The following RAB11FIP1 variants were observed in gnomAD, a reference collection of about 807,000 sequenced individuals.
The protein encoded by RAB11FIP1 is rab11 family-interacting protein 1.
Under a neutral mutation model 83.1 loss-of-function variants are expected in RAB11FIP1, and 49 were observed. The observed-to-expected ratio is 0.59, with a 90% CI of 0.47 to 0.75. RAB11FIP1 has a LOEUF of 0.75. RAB11FIP1 is among the 30% of genes least tolerant of loss of function. The pLI, the probability that RAB11FIP1 is intolerant of heterozygous loss-of-function variation, is 0.00. For missense variants in RAB11FIP1, 1,536 were observed against 1,598.7 expected (o/e 0.96, Z 0.67); for synonymous variants, 670 against 656.0 (o/e 1.02, Z -0.33).
intron 1 of RAB11FIP1, among the ~76,000 whole-genome samples, chr8:37,890,751 G>C (rs1806932170): frequency 6.6e-6 from 1 of 150,408 alleles, no homozygotes; most frequent in Admixed American, 6.6e-5. Flanking sequence ...CTCCAGCCTG[G>C]GCAACAAGAG....
At position 37,884,439 on chromosome 8, in the gene RAB11FIP1, A is replaced by T. The variant is rs555558842; in HGVS notation, c.372-6888T>A. Among the ~76,000 whole-genome samples, 5 of 152,252 alleles carry T rather than the reference A, an allele frequency of 3.3e-5. No individual in the cohort carries two copies. The South Asian group carries it at 1.0e-3, about 32-fold the overall frequency. On this transcript the variant is annotated intron_variant, in intron 1 of 5. Transcript: ENST00000330843. ...GGTCTTGCTCTGTTGTCCAGGCTGG[A>T]GTACAGTGCACATTCATAGCTCACA...
At chr8:37,895,241 ATATATATATATATATATATTTTTTTTTTT>A (rs1436014373) in intron 1 of RAB11FIP1, among the ~76,000 whole-genome samples, 1 of 7,872 alleles carries the variant, frequency 1.3e-4, no homozygotes, top group African/African-American at 6.0e-4. Flanking sequence ...ATATATATAT[ATATATATATATATATATATTTTTTTTTTT>A]TTTTTTTTTT....
chr8:37,894,701 C>CAT lies in RAB11FIP1; in HGVS notation c.371+4368_371+4369dup, dbSNP rs200697328. On this transcript the variant is annotated intron_variant, in intron 1 of 5. Coordinates refer to ENST00000330843, the MANE Select transcript of RAB11FIP1 (RefSeq NM_001002814.3). ...ATTTTGATTTATATATACATAAATA[C>CAT]ATATATATACATATATATATACATA... 6.1e-3 allele frequency among the ~76,000 whole-genome samples: 875 copies of CAT among 143,880 alleles called. 16 individuals are homozygous for CAT. Among genetic ancestry groups the CAT allele is most frequent in the African/African-American group, 0.022 (815 of 37,122 alleles). The allele number at this position is 143,880 out of a possible 152,430, so 94.4% of individuals were successfully genotyped here. A position where few individuals can be genotyped will look rare whatever the true frequency, so the allele number is the denominator to read the frequency against.
rs1807163816 is a variant in RAB11FIP1 at position 37,899,204 on chromosome 8, A to G, written c.238T>C (p.Ser80Pro). The G allele has an allele frequency of 1.3e-6, 2 of 1,574,094 alleles. No homozygotes were observed. Among genetic ancestry groups the G allele is most frequent in the Non-Finnish European group, 1.7e-6 (2 of 1,166,806 alleles). ...AGGGTGGCGGCGGCCGCGGGTCCGG[A>G]GGACAGCAGCGATGGCAGCTCGAAG... ...ATFELPSLLSSGPAAAATLQL... is the reference protein window; with the variant it reads ...ATFELPSLLSPGPAAAATLQL... The change falls in exon 1 of 6, where the codon TCC (serine) becomes CCC (proline). Residue 80 changes from serine to proline, a missense_variant. Physicochemically the swap from Ser to Pro is moderately conservative, Grantham distance 74 (BLOSUM62 -1). Transcript: ENST00000330843. The surrounding 1 kb of genome is among the most constrained non-coding windows in gnomAD (Gnocchi z 4.5).
At position 37,875,221 on chromosome 8, in the gene RAB11FIP1, G is replaced by A. The variant is rs747345219; in HGVS notation, c.916C>T (p.Arg306Trp). 5.7e-5 allele frequency: 92 copies of A among 1,613,972 alleles called. No individual in the cohort carries two copies. The African/African-American group carries it at 5.7e-4, about 10-fold the overall frequency. Reference protein sequence around the residue: ...KEGLSFLGGLRSKNDVLSRSN... With the variant: ...KEGLSFLGGLWSKNDVLSRSN... Reference sequence around the variant, plus strand: ...CGGGAAAGGACATCATTCTTAGACCGAAGGCCACCAAGAAAGGAAAGTCCT... The same window carrying A: ...CGGGAAAGGACATCATTCTTAGACCAAAGGCCACCAAGAAAGGAAAGTCCT... Residue 306 changes from arginine to tryptophan, a missense_variant, in exon 3 of 6, where the codon CGG becomes TGG. Physicochemically the swap from Arg to Trp is moderately radical, Grantham distance 101 (BLOSUM62 -3). Transcript: ENST00000330843.
chr8:37,864,482 A>G (rs1340671179), intron 5 of RAB11FIP1, among the ~76,000 whole-genome samples: 2 of 152,224 alleles, frequency 1.3e-5, no homozygotes, highest in East Asian at 3.8e-4. Flanking sequence ...ACTGCCTACC[A>G]GGAAGGCCAA....
chr8:37,898,889 C>T (rs1228301559), intron 1 of RAB11FIP1, among the ~76,000 whole-genome samples, 182 bp downstream of exon 1: 2 of 151,916 alleles, frequency 1.3e-5, no homozygotes, highest in African/African-American at 4.8e-5. Flanking sequence ...GCTGGCAGAG[C>T]TGGGCGGGAC....
chr8:37,877,458 G>A lies in RAB11FIP1; in HGVS notation c.465C>T (p.Ala155=). 1 of 1,612,550 alleles carries A rather than the reference G, an allele frequency of 6.2e-7. No homozygotes were observed. Among genetic ancestry groups the A allele is most frequent in the Middle Eastern group, 1.6e-4 (1 of 6,062 alleles). ...DIQFMRNNMT[A]SMFDLSMKDK... is the part of the protein sequence containing the mutation. Reference sequence around the variant, plus strand: ...CTTTCATAGAAAGGTCAAACATGCTGGCAGTCATGTTGTTTCTCATAAACT... The same window carrying A: ...CTTTCATAGAAAGGTCAAACATGCTAGCAGTCATGTTGTTTCTCATAAACT... The change falls in exon 2 of 6, where the codon GCC becomes GCT. Residue 155 remains alanine (A), a synonymous_variant. Coordinates refer to ENST00000330843, the MANE Select transcript of RAB11FIP1 (RefSeq NM_001002814.3).
At chr8:37,884,164 A>C (rs1806776834) in intron 1 of RAB11FIP1, among the ~76,000 whole-genome samples, 1 of 151,560 alleles carries the variant, frequency 6.6e-6, no homozygotes, top group African/African-American at 2.4e-5. Context: ...GCCCAGGTTC[A>C]AGTGATTCTC....
At chr8:37,892,861 C>T (rs544743639) in intron 1 of RAB11FIP1, among the ~76,000 whole-genome samples, 1 of 152,274 alleles carries the variant, frequency 6.6e-6, no homozygotes, top group East Asian at 1.9e-4. Context: ...GCCTCAGGGC[C>T]TTTGCACAGG....
chr8:37,874,474 G>T (rs995176904), intron 3 of RAB11FIP1, 41 bp downstream of exon 3: 3 of 1,538,848 alleles, frequency 1.9e-6, no homozygotes, highest in African/African-American at 2.7e-5. Context: ...ACCACCAATG[G>T]CAAGGCAGAA....
rs150291047 is a variant in RAB11FIP1, at chr8:37,859,365, C to T, written c.*3530G>A. ...ATCATGGACCTTCCTCCCTCTGCCC[C>T]GTTGAGCTCCCACTGTTAGCAAAAC... On this transcript the variant is annotated 3_prime_UTR_variant, in exon 6 of 6. Coordinates refer to ENST00000330843, the MANE Select transcript of RAB11FIP1 (RefSeq NM_001002814.3). 546 of 152,332 alleles carry T rather than the reference C, an allele frequency of 3.6e-3. 4 individuals carry two copies. The highest frequency in any genetic ancestry group is 5.2e-3 in the Non-Finnish European group (355 of 68,056). The allele number at this position is 152,332 out of a possible 1,614,324, so 9.4% of individuals were successfully genotyped here. A position where few individuals can be genotyped will look rare whatever the true frequency, so the allele number is the denominator to read the frequency against.
chr8:37,864,952 A>T (rs1346262893), intron 5 of RAB11FIP1, among the ~76,000 whole-genome samples: 1 of 149,256 alleles, frequency 6.7e-6, no homozygotes, highest in Non-Finnish European at 1.5e-5. Context: ...TTTTTTCCCC[A>T]TAGAGACGGG....
intron 1 of RAB11FIP1, among the ~76,000 whole-genome samples, chr8:37,881,891 A>G (rs1397805451): frequency 6.6e-6 from 1 of 152,098 alleles, no homozygotes. Flanking sequence ...AATTGTCTGC[A>G]TATTTGTCAC....
chr8:37,874,488 C>G, intron 3 of RAB11FIP1, 27 bp downstream of exon 3: 1 of 1,592,712 alleles, frequency 6.3e-7, no homozygotes, highest in Non-Finnish European at 8.6e-7. Flanking sequence ...GGCAGAAATG[C>G]CCTGCACGAG....
At chr8:37,876,040 C>T (rs1806598689) in intron 2 of RAB11FIP1, among the ~76,000 whole-genome samples, 1 of 151,910 alleles carries the variant, frequency 6.6e-6, no homozygotes, top group African/African-American at 2.4e-5. Flanking sequence ...ACTAAAAATA[C>T]AAAAATTCAC....
chr8:37,864,209 G>C (rs1264025852), intron 5 of RAB11FIP1, among the ~76,000 whole-genome samples: 2 of 152,250 alleles, frequency 1.3e-5, no homozygotes, highest in African/African-American at 4.8e-5. Flanking sequence ...CCCGAGGAGA[G>C]CACACACCCT....
rs1806215972 is a variant in RAB11FIP1 at position 37,860,656 on chromosome 8, C to G, written c.*2239G>C. The G allele has an allele frequency of 6.6e-6, 1 of 152,592 alleles. No individual in the cohort carries two copies. Among genetic ancestry groups the G allele is most frequent in the Non-Finnish European group, 1.5e-5 (1 of 68,044 alleles). The allele number at this position is 152,592 out of a possible 1,614,324, so 9.5% of individuals were successfully genotyped here. On this transcript the variant is annotated 3_prime_UTR_variant, in exon 6 of 6. Coordinates refer to ENST00000330843, the MANE Select transcript of RAB11FIP1 (RefSeq NM_001002814.3). ...GCCACCGCGTCCAGCCATACATGTACATTTTCAGAGTTCAAGTGAACATAC... is the reference window on the plus strand; with the variant it reads ...GCCACCGCGTCCAGCCATACATGTAGATTTTCAGAGTTCAAGTGAACATAC...
chr8:37,899,063 G>A lies in RAB11FIP1; in HGVS notation c.371+8C>T, dbSNP rs1335078953. 3.4e-6 allele frequency: 5 copies of A among 1,482,498 alleles called. No individual in the cohort carries two copies. The highest frequency in any genetic ancestry group is 5.5e-5 in the East Asian group (2 of 36,488). 91.8% of individuals were successfully genotyped at this position (1,482,498 alleles called of 1,614,324 possible). On this transcript the variant is annotated splice_region_variant and intron_variant, in intron 1 of 5. Transcript: ENST00000330843. The surrounding 1 kb of genome is among the most constrained non-coding windows in gnomAD (Gnocchi z 4.5). ...AGGCCGGGCCCTCCCCTCCCCGCCC[G>A]CACTCACTGCGTCTTCCTGCGGCCC...
Sources: gnomAD v4.1 joint callset for allele counts (sites outside exome capture counted in the v4.1 genomes callset) on GRCh38, gnomAD v4.1.1 for gene constraint, Gnocchi (gnomAD v3.1) non-coding constraint, MANE v1.5 for transcripts, NCBI Gene and HGNC (gene_info 2026-07-23, HGNC 2026-07-21) for gene names.